The following TMEM108 variants were observed in gnomAD, a reference collection of about 807,000 sequenced individuals.
TMEM108 encodes the protein transmembrane protein 108.
In TMEM108, 12 loss-of-function variants were observed where a neutral mutation model predicts 35.1. That is an observed-to-expected ratio of 0.34 (90% CI 0.22 to 0.55). The LOEUF (loss-of-function observed/expected upper bound fraction) is 0.55, where lower values mean the gene tolerates loss of function less well. Among genes scored for constraint, TMEM108 ranks in the 20% least tolerant of loss-of-function variants. The probability of loss-of-function intolerance (pLI) is 0.89; values close to 1 mark genes in which losing one functional copy is unlikely to be tolerated. For synonymous variants in TMEM108, 287 were observed against 308.6 expected, an observed-to-expected ratio of 0.93 and a Z score of 0.73; for missense variants, 680 against 753.3, an observed-to-expected ratio of 0.90 and a Z score of 1.14.
chr3:133,316,162 TGGGGAAGAGG>T (rs1245006640), intron 3 of TMEM108, among the ~76,000 whole-genome samples: 2 of 152,076 alleles, frequency 1.3e-5, no homozygotes, highest in Non-Finnish European at 2.9e-5. Context: ...AACACACATA[TGGGGAAGAGG>T]GAGATAAATA....
chr3:133,095,756 T>A (rs1944004672), intron 2 of TMEM108, among the ~76,000 whole-genome samples: 1 of 152,136 alleles, frequency 6.6e-6, no homozygotes, highest in African/African-American at 2.4e-5. Flanking sequence ...CAGGTGATAA[T>A]GAGAGTGATG....
At chr3:133,240,695 T>C (rs1391325459) in intron 3 of TMEM108, among the ~76,000 whole-genome samples, 1 of 152,240 alleles carries the variant, frequency 6.6e-6, no homozygotes, top group Non-Finnish European at 1.5e-5. Flanking sequence ...GCTATATGAC[T>C]GCACAGAGTG....
Position 133,323,094 on chromosome 3 carries a change from T to C in TMEM108, c.41-56658T>C, listed in dbSNP as rs188980379. Among the ~76,000 whole-genome samples the C allele has an allele frequency of 2.3e-3, 347 of 152,248 alleles. 4 individuals carry two copies. Among genetic ancestry groups the C allele is most frequent in the African/African-American group, 8.1e-3 (336 of 41,546 alleles). ...AGTTGAAAGCATTCCCCCTGAGAAC[T>C]GGAGCAAGACAATGATGCCCACTTT... On this transcript the variant is annotated intron_variant, in intron 3 of 5. Transcript: ENST00000321871.
intron 2 of TMEM108, among the ~76,000 whole-genome samples, chr3:133,117,905 C>G (rs2197969): frequency 0.14 from 21,342 of 152,110 alleles, 1,531 homozygotes; most frequent in Admixed American, 0.16. Flanking sequence ...ATTTGCAACT[C>G]TCCAATCCAC....
At chr3:133,084,826 A>T (rs7640393) in intron 2 of TMEM108, among the ~76,000 whole-genome samples, 36,240 of 152,140 alleles carry the variant, frequency 0.24, 4,476 homozygotes, top group East Asian at 0.31. Context: ...TCGTGAGATC[A>T]TAGAGTGGGA....
chr3:133,127,222 G>T (rs1001348264), intron 2 of TMEM108, among the ~76,000 whole-genome samples: 1 of 152,052 alleles, frequency 6.6e-6, no homozygotes. Context: ...CTGAATCAGT[G>T]TCCATTTCTA....
intron 2 of TMEM108, among the ~76,000 whole-genome samples, chr3:133,162,303 A>G (rs529529431): frequency 6.6e-6 from 1 of 152,274 alleles, no homozygotes; most frequent in East Asian, 1.9e-4. Context: ...TTGGAACCTT[A>G]TTGACTTGCT....
chr3:133,156,513 A>C (rs1215070428), intron 2 of TMEM108, among the ~76,000 whole-genome samples: 1 of 152,198 alleles, frequency 6.6e-6, no homozygotes, highest in Non-Finnish European at 1.5e-5. Context: ...TGTTTGACTT[A>C]CTATTTATGT....
At chr3:133,304,637 A>G (rs1465959576) in intron 3 of TMEM108, among the ~76,000 whole-genome samples, 2 of 152,034 alleles carry the variant, frequency 1.3e-5, no homozygotes, top group African/African-American at 4.8e-5. Context: ...ACTATGCATA[A>G]TGTTTTTGAG....
chr3:133,370,145 CTTTTT>C (rs3054623), intron 3 of TMEM108, among the ~76,000 whole-genome samples: 8 of 126,830 alleles, frequency 6.3e-5, no homozygotes, highest in Admixed American at 8.1e-5. Context: ...TTCAGACTCC[CTTTTT>C]TTTTTTTTTT....
intron 3 of TMEM108, among the ~76,000 whole-genome samples, chr3:133,376,672 C>T (rs972833227): frequency 3.9e-5 from 6 of 152,176 alleles, no homozygotes; most frequent in East Asian, 1.9e-4. Context: ...GCTCCACTGA[C>T]GTCCCCTGTG....
chr3:133,147,654 T>C (rs1366759770), intron 2 of TMEM108, among the ~76,000 whole-genome samples: 3 of 152,210 alleles, frequency 2.0e-5, no homozygotes, highest in Non-Finnish European at 4.4e-5. Context: ...TTCCCACCTG[T>C]AAAACGTAGT....
At position 133,127,137 on chromosome 3, in the gene TMEM108, G is replaced by A. The variant is rs568833526; in HGVS notation, c.-47+81117G>A. ...ATGGACAATACTTGATCTGTACTTA[G>A]ATTAAAACTTACAGTAGAAAAAGTA... On this transcript the variant is annotated intron_variant, in intron 2 of 5. Transcript: ENST00000321871. 1.1e-3 allele frequency among the ~76,000 whole-genome samples: 168 copies of A among 152,204 alleles called. 2 individuals are homozygous for A. Among genetic ancestry groups the A allele is most frequent in the African/African-American group, 3.9e-3 (162 of 41,550 alleles).
At chr3:133,058,362 G>T (rs1943498072) in intron 2 of TMEM108, among the ~76,000 whole-genome samples, 1 of 152,200 alleles carries the variant, frequency 6.6e-6, no homozygotes, top group Admixed American at 6.5e-5. Context: ...CACCTCTAAG[G>T]GTTTGCTCCT....
intron 2 of TMEM108, among the ~76,000 whole-genome samples, chr3:133,188,777 A>G (rs1045063642): frequency 2.0e-5 from 3 of 152,150 alleles, no homozygotes; most frequent in Admixed American, 1.3e-4. Flanking sequence ...ATAAAAATTT[A>G]TTTATTGTTA....
intron 4 of TMEM108, among the ~76,000 whole-genome samples, chr3:133,381,977 G>A (rs1439785945): frequency 2.0e-5 from 3 of 152,146 alleles, no homozygotes; most frequent in African/African-American, 7.2e-5. Flanking sequence ...GGCACTCTGT[G>A]AATGAGGAGT....
chr3:133,333,734 G>A (rs945678481), intron 3 of TMEM108, among the ~76,000 whole-genome samples: 1 of 152,094 alleles, frequency 6.6e-6, no homozygotes, highest in Non-Finnish European at 1.5e-5. Context: ...CAGAGTTTTG[G>A]GTCAACTGCA....
intron 3 of TMEM108, chr3:133,248,073 C>T (rs1946412791): frequency 6.6e-6 from 1 of 152,158 alleles, no homozygotes; most frequent in Admixed American, 6.5e-5. Flanking sequence ...TCCAACTTAA[C>T]TAGTAATAAA....
At chr3:133,299,746 G>A (rs775101295) in intron 3 of TMEM108, among the ~76,000 whole-genome samples, 11 of 152,040 alleles carry the variant, frequency 7.2e-5, no homozygotes, top group Non-Finnish European at 5.9e-5. Flanking sequence ...GCCATCATAC[G>A]TCTTCAACCC....
Sources: gnomAD v4.1 joint callset for allele counts (sites outside exome capture counted in the v4.1 genomes callset) on GRCh38, gnomAD v4.1.1 for gene constraint, MANE v1.5 for transcripts, NCBI Gene and HGNC (gene_info 2026-07-23, HGNC 2026-07-21) for gene names.